SERPINI1: variants seen among roughly 807,000 people sequenced by gnomAD.
The protein encoded by SERPINI1 is serpin family I member 1.
SERPINI1 carries 19 observed loss-of-function variants against 41.1 expected under a neutral mutation model. The observed-to-expected ratio is 0.46, with a 90% confidence interval of 0.32 to 0.68. The LOEUF (loss-of-function observed/expected upper bound fraction) is 0.68. SERPINI1 is among the 30% of genes least tolerant of loss of function. The probability of loss-of-function intolerance (pLI) is 0.03; values close to 1 mark genes in which losing one functional copy is unlikely to be tolerated. For synonymous variants in SERPINI1, 138 were observed against 156.6 expected, an observed-to-expected ratio of 0.88 and a Z score of 0.89; for missense variants, 460 against 479.2, an observed-to-expected ratio of 0.96 and a Z score of 0.37.
chr3:167,752,244 C>T (rs913321084), intron 1 of SERPINI1, among the ~76,000 whole-genome samples: 28 of 152,190 alleles, frequency 1.8e-4, no homozygotes, highest in African/African-American at 6.3e-4. Context: ...CCCAGACCTA[C>T]ACTCTGAACT....
chr3:167,748,752 C>CTG (rs34438429), intron 1 of SERPINI1, among the ~76,000 whole-genome samples: 13,519 of 143,458 alleles, frequency 0.094, 618 homozygotes, highest in East Asian at 0.13. Flanking sequence ...GTGTGTTACT[C>CTG]TGTGTGTGTG....
chr3:167,799,351 G>A (rs572788225), intron 5 of SERPINI1, among the ~76,000 whole-genome samples: 1 of 152,250 alleles, frequency 6.6e-6, no homozygotes, highest in East Asian at 1.9e-4. Context: ...CTTCATCCAT[G>A]TCCCTGCAAA....
At chr3:167,794,903 G>A (rs1345545965) in intron 5 of SERPINI1, 79 bp downstream of exon 5, 10 of 1,114,280 alleles carry the variant, frequency 9.0e-6, no homozygotes, top group African/African-American at 4.6e-5. Context: ...AAAACTCTTC[G>A]AACTGCTTTC....
chr3:167,820,489 C>T (rs1011121910), intron 6 of SERPINI1, among the ~76,000 whole-genome samples: 3 of 152,224 alleles, frequency 2.0e-5, no homozygotes, highest in African/African-American at 4.8e-5. Flanking sequence ...CCGGAGACCA[C>T]TCTGATTTCT....
chr3:167,751,164 G>C (rs1398463420), intron 1 of SERPINI1, among the ~76,000 whole-genome samples: 1 of 151,932 alleles, frequency 6.6e-6, no homozygotes, highest in Non-Finnish European at 1.5e-5. Context: ...AGTTTATTAT[G>C]TTAGGAAAAA....
chr3:167,772,823 ACT>A (rs1172788769), intron 1 of SERPINI1, among the ~76,000 whole-genome samples: 474 of 23,606 alleles, frequency 0.02, 26 homozygotes, highest in African/African-American at 0.034. Flanking sequence ...GTATCTTGAG[ACT>A]CTCTCTCTCT....
intron 1 of SERPINI1, among the ~76,000 whole-genome samples, chr3:167,749,373 ATGT>A (rs1192173476): frequency 2.0e-5 from 3 of 151,072 alleles, no homozygotes; most frequent in Admixed American, 6.6e-5. Flanking sequence ...TTAAAACATA[ATGT>A]TCAGCTAGCT....
At chr3:167,764,321 C>T (rs1198434681) in intron 1 of SERPINI1, among the ~76,000 whole-genome samples, 2 of 152,158 alleles carry the variant, frequency 1.3e-5, no homozygotes, top group East Asian at 1.9e-4. Flanking sequence ...ACTTACAGTT[C>T]CACGTGGCTG....
chr3:167,810,935 C>T (rs1424991019), intron 6 of SERPINI1, among the ~76,000 whole-genome samples: 2 of 151,322 alleles, frequency 1.3e-5, no homozygotes, highest in Non-Finnish European at 3.0e-5. Context: ...CTCAAGAAAC[C>T]ACTTTCTTTG....
At chr3:167,759,399 G>GATATATATATATATATATATATATATAT (rs1364573755) in intron 1 of SERPINI1, among the ~76,000 whole-genome samples, 1 of 81,618 alleles carries the variant, frequency 1.2e-5, no homozygotes, top group Non-Finnish European at 2.5e-5. Flanking sequence ...AAGAAAATGT[G>GATATATATATATATATATATATATATAT]GTATATATAT....
chr3:167,736,428 A>G (rs1259223625), intron 1 of SERPINI1, among the ~76,000 whole-genome samples: 3 of 152,232 alleles, frequency 2.0e-5, no homozygotes, highest in Admixed American at 6.5e-5. Context: ...AATGAATTTT[A>G]ATGAATGGAT....
intron 3 of SERPINI1, among the ~76,000 whole-genome samples, chr3:167,790,816 A>C (rs144228915): frequency 5.1e-4 from 77 of 152,274 alleles, no homozygotes; most frequent in Non-Finnish European, 8.2e-4. Flanking sequence ...GCATATATAG[A>C]ATTTGGCAGT....
At chr3:167,744,417 C>T (rs564386977) in intron 1 of SERPINI1, among the ~76,000 whole-genome samples, 1 of 148,942 alleles carries the variant, frequency 6.7e-6, no homozygotes, top group Non-Finnish European at 1.5e-5. Flanking sequence ...CATTTTAACT[C>T]CTCTTCAAAC....
intron 1 of SERPINI1, among the ~76,000 whole-genome samples, chr3:167,765,319 A>G (rs1457089482): frequency 4.6e-5 from 7 of 152,208 alleles, no homozygotes; most frequent in Non-Finnish European, 8.8e-5. Context: ...CCAAATCTCA[A>G]TTCTTGACTT....
intron 5 of SERPINI1, among the ~76,000 whole-genome samples, chr3:167,799,156 T>A (rs954322431): frequency 6.6e-6 from 1 of 152,076 alleles, no homozygotes; most frequent in Non-Finnish European, 1.5e-5. Context: ...ACCCATCACC[T>A]ACATTAGGTA....
intron 1 of SERPINI1, among the ~76,000 whole-genome samples, chr3:167,785,219 A>G (rs34512111): frequency 0.13 from 19,218 of 152,218 alleles, 1,457 homozygotes; most frequent in African/African-American, 0.21. Flanking sequence ...ACTCCAGCCT[A>G]GCAACAGAGC....
At chr3:167,804,397 TAA>T (rs1711548775) in intron 5 of SERPINI1, among the ~76,000 whole-genome samples, 1 of 152,216 alleles carries the variant, frequency 6.6e-6, no homozygotes, top group African/African-American at 2.4e-5. Flanking sequence ...TTATCTCTGT[TAA>T]GAGAACAACC....
intron 1 of SERPINI1, among the ~76,000 whole-genome samples, chr3:167,749,483 A>G (rs1197068166): frequency 6.6e-6 from 1 of 152,220 alleles, no homozygotes; most frequent in Non-Finnish European, 1.5e-5. Flanking sequence ...TTGTGACTAT[A>G]AGGCTGATGA....
Position 167,735,752 on chromosome 3 carries a change from G to C in SERPINI1, c.-90G>C, listed in dbSNP as rs1441627154. 1 of 152,362 alleles carries C rather than the reference G, an allele frequency of 6.6e-6. No individual in the cohort carries two copies. Among genetic ancestry groups the C allele is most frequent in the Admixed American group, 6.5e-5 (1 of 15,288 alleles). The allele number at this position is 152,362 out of a possible 1,614,324, so 9.4% of individuals were successfully genotyped here. On this transcript the variant is annotated 5_prime_UTR_variant, in exon 1 of 9. Transcript: ENST00000446050. ...TCCCGGGAGAGACGAAAGCAGGAAC[G>C]AGAGCGGAGCGGAGCACAGTCCGCC...
Sources: allele counts gnomAD v4.1 joint callset (sites outside exome capture counted in the v4.1 genomes callset), GRCh38; gene constraint gnomAD v4.1.1; transcripts MANE v1.5; gene names NCBI Gene and HGNC (gene_info 2026-07-23, HGNC 2026-07-21).